The following LGI4 variants were observed in gnomAD, a reference collection of about 807,000 sequenced individuals.
LGI4 encodes leucine rich repeat LGI family member 4.
LGI4 carries 36 observed loss-of-function variants against 48.3 expected under a neutral mutation model. The ratio of observed to expected loss-of-function variants is 0.75; its 90% CI spans 0.57 to 0.98. LGI4 has a LOEUF of 0.98. Among genes scored for constraint, LGI4 ranks in the 50% least tolerant of loss-of-function variants. The probability of loss-of-function intolerance (pLI) is 0.00; values close to 1 mark genes in which losing one functional copy is unlikely to be tolerated. For missense variants in LGI4, 701 were observed against 732.1 expected, an observed-to-expected ratio of 0.96 and a Z score of 0.49; for synonymous variants, 355 against 331.6, an observed-to-expected ratio of 1.07 and a Z score of -0.77.
chr19:35,125,130 G>T lies in LGI4; in HGVS notation c.*63C>A. 1 of 1,423,580 alleles carries T rather than the reference G, an allele frequency of 7.0e-7. No individual in the cohort carries two copies. 88.2% of individuals were successfully genotyped at this position (1,423,580 alleles called of 1,614,324 possible). ...CAGGCGGGCCATCACCCCAAGTAGG[G>T]CCAGGAGCCAGCCAAGGGGCCGTCC... On this transcript the variant is annotated 3_prime_UTR_variant, in exon 9 of 9. Transcript: ENST00000310123.
chr19:35,127,638 G>A (rs931844933), intron 6 of LGI4, among the ~76,000 whole-genome samples: 33 of 152,072 alleles, frequency 2.2e-4, no homozygotes, highest in African/African-American at 7.0e-4. Flanking sequence ...TGCCCGCCTC[G>A]GCCTCCCAAA....
rs2065144796 is a variant in LGI4 at position 35,126,971 on chromosome 19, C to T, written c.675G>A (p.Glu225=). Residue 225 remains glutamate, a synonymous_variant, in exon 7 of 9, where the codon GAG becomes GAA. Transcript: ENST00000310123. ...GAGGCTCCCCTTGGTAGGAGAAGGG[C>T]TCTACGCTCAGTGCCGACTCCCCCA... The part of the protein sequence containing the change: ...QTVGESALSV[E]PFSYQGEPHI... 3.7e-6 allele frequency: 6 copies of T among 1,612,076 alleles called. No homozygotes were observed. The highest frequency in any genetic ancestry group is 5.1e-6 in the Non-Finnish European group (6 of 1,178,836).
chr19:35,125,059 G>A lies in LGI4; in HGVS notation c.*134C>T. On this transcript the variant is annotated 3_prime_UTR_variant, in exon 9 of 9. Transcript: ENST00000310123. Reference sequence around the variant, plus strand: ...CAGATCCTTTAAGAAGTGGGCTTAAGGCCTAGACGTGTGGCTGATGAACGT... The same window carrying A: ...CAGATCCTTTAAGAAGTGGGCTTAAAGCCTAGACGTGTGGCTGATGAACGT... 1 of 698,038 alleles carries A rather than the reference G, an allele frequency of 1.4e-6. No homozygotes were observed. 43.2% of individuals were successfully genotyped at this position (698,038 alleles called of 1,614,324 possible).
intron 6 of LGI4, among the ~76,000 whole-genome samples, chr19:35,127,482 G>A (rs182078117): frequency 6.6e-5 from 10 of 151,764 alleles, no homozygotes; most frequent in African/African-American, 2.4e-4. Context: ...CCACCTCCTG[G>A]GTTCAAACAA....
chr19:35,127,158 T>C, intron 6 of LGI4, 141 bp from the exon 7 acceptor site: 1 of 904,190 alleles, frequency 1.1e-6, no homozygotes, highest in Non-Finnish European at 1.6e-6. Flanking sequence ...TCTTGATCTG[T>C]AGATGTTTGT....
chr19:35,130,913 T>A (rs1673008), intron 6 of LGI4, among the ~76,000 whole-genome samples: 5 of 152,222 alleles, frequency 3.3e-5, no homozygotes, highest in African/African-American at 4.8e-5. Flanking sequence ...TCCTCTGGAC[T>A]TTGAACTCTT....
Position 35,126,291 on chromosome 19 carries a change from T to C in LGI4, c.1278A>G (p.Thr426=), listed in dbSNP as rs1165039370. The change falls in exon 8 of 9, where the codon ACA becomes ACG. Residue 426 remains threonine, a synonymous_variant. Transcript: ENST00000310123. ...TCACCATGGAGTCCCCAATGTAGCGTGTGAGGCACAGGAACACGTCCCCAC... is the reference window on the plus strand; with the variant it reads ...TCACCATGGAGTCCCCAATGTAGCGCGTGAGGCACAGGAACACGTCCCCAC... ...QAGGDVFLCL[T]RYIGDSMVMR... 1.2e-6 allele frequency: 2 copies of C among 1,611,914 alleles called. No homozygotes were observed. The highest frequency in any genetic ancestry group is 1.7e-6 in the Non-Finnish European group (2 of 1,179,582).
Position 35,133,727 on chromosome 19 carries a change from C to T in LGI4, c.280G>A (p.Asp94Asn), listed in dbSNP as rs777901757. The T allele has an allele frequency of 3.4e-5, 54 of 1,609,396 alleles. No homozygotes were observed. Among genetic ancestry groups the T allele is most frequent in the Non-Finnish European group, 4.3e-5 (51 of 1,178,358 alleles). ...AGGTGGGACAGGCCCGCAAATGCATCGTCCTCAATCACGGAGAAGGAGTTG... is the reference window on the plus strand; with the variant it reads ...AGGTGGGACAGGCCCGCAAATGCATTGTCCTCAATCACGGAGAAGGAGTTG... ...TSNSFSVIED[D>N]AFAGLSHLQY... Residue 94 changes from aspartate to asparagine, a missense_variant, in exon 3 of 9, where the codon GAT (aspartate) becomes AAT (asparagine). Coordinates refer to ENST00000310123, the MANE Select transcript of LGI4 (RefSeq NM_139284.3).
intron 3 of LGI4, chr19:35,133,429 CG>C: frequency 1.5e-6 from 2 of 1,308,186 alleles, no homozygotes; most frequent in Non-Finnish European, 1.9e-6. Context: ...TCTGGTTATC[CG>C]GGCCCTTTGT....
In LGI4 at chr19:35,126,998, C is replaced by T. The variant is rs367971043; in HGVS notation, c.648G>A (p.Thr216=). The T allele has an allele frequency of 5.7e-5, 91 of 1,599,642 alleles. No individual in the cohort carries two copies. The highest frequency in any genetic ancestry group is 7.4e-5 in the Non-Finnish European group (87 of 1,170,246). The change falls in exon 7 of 9, where the codon ACG becomes ACA. Residue 216 remains threonine (T), a synonymous_variant. Transcript: ENST00000310123. ...CTACGCTCAGTGCCGACTCCCCCAC[C>T]GTCTGGAACCAGGACAGCTCTGTGG... ...CRAIELSWFQ[T]VGESALSVEP...
Position 35,133,717 on chromosome 19 carries a change from G to T in LGI4, c.290C>A (p.Ala97Glu), listed in dbSNP as rs866063884. The T allele has an allele frequency of 1.2e-6, 2 of 1,607,890 alleles. No individual in the cohort carries two copies. The highest frequency in any genetic ancestry group is 1.7e-6 in the Non-Finnish European group (2 of 1,177,598). Residue 97 changes from alanine (A) to glutamate (E), a missense_variant, in exon 3 of 9, where the codon GCG (alanine) becomes GAG (glutamate). Ala to Glu is a moderately radical substitution (Grantham distance 107, BLOSUM62 -1). Around this residue, in one of 3 missense-constraint regions of LGI4, gnomAD observed 462 missense variants for 436.4 expected, o/e 1.06. Transcript: ENST00000310123. ...SFSVIEDDAF[A>E]GLSHLQYLFI... is the part of the protein sequence containing the mutation. ...CAGGTACTGCAGGTGGGACAGGCCC[G>T]CAAATGCATCGTCCTCAATCACGGA...
At chr19:35,132,737 T>C (rs959948477) in intron 3 of LGI4, among the ~76,000 whole-genome samples, 7 of 152,072 alleles carry the variant, frequency 4.6e-5, no homozygotes, top group African/African-American at 1.7e-4. Context: ...ATCTTCATGA[T>C]CAACACCAAA....
intron 2 of LGI4, 123 bp downstream of exon 2, chr19:35,133,910 G>A: frequency 7.7e-7 from 1 of 1,294,020 alleles, no homozygotes; most frequent in East Asian, 2.5e-5. Flanking sequence ...ACAGACGTGT[G>A]CATACACCCC....
At position 35,126,377 on chromosome 19, in the gene LGI4, C is replaced by G. The variant is rs758115101; in HGVS notation, c.1192G>C (p.Glu398Gln). ...GCCTCGGGGATGTCTGTGCGTCTCTCGAAGCGGCCACCGGTCCAGTGGAAG... is the reference window on the plus strand; with the variant it reads ...GCCTCGGGGATGTCTGTGCGTCTCTGGAAGCGGCCACCGGTCCAGTGGAAG... ...VLFHWTGGRF[E>Q]RRTDIPEAED... Residue 398 changes from glutamate to glutamine, a missense_variant, in exon 8 of 9, where the codon GAG becomes CAG. Physicochemically the swap from Glu to Gln is conservative, Grantham distance 29. Transcript: ENST00000310123. 30 of 1,610,976 alleles carry G rather than the reference C, an allele frequency of 1.9e-5. No homozygotes were observed. The highest frequency in any genetic ancestry group is 2.0e-5 in the Non-Finnish European group (24 of 1,179,516).
In LGI4 at chr19:35,126,713, G is replaced by A. The variant is rs769018578; in HGVS notation, c.856C>T (p.Arg286Cys). ...CACAGCTGTGAGCCCCCCCACAGGCGGGCAGCCAGCACGAAGAGGCTCGGG... is the reference window on the plus strand; with the variant it reads ...CACAGCTGTGAGCCCCCCCACAGGCAGGCAGCCAGCACGAAGAGGCTCGGG... The part of the protein sequence containing the change: ...LGPSLFVLAA[R>C]LWGGSQLWAR... Residue 286 changes from arginine to cysteine, a missense_variant, in exon 8 of 9, where the codon CGC (arginine) becomes TGC (cysteine). Around this residue, in one of 3 missense-constraint regions of LGI4, gnomAD observed 462 missense variants for 436.4 expected, o/e 1.06. Coordinates refer to ENST00000310123, the MANE Select transcript of LGI4 (RefSeq NM_139284.3). The A allele has an allele frequency of 3.9e-6, 6 of 1,539,512 alleles. No individual in the cohort carries two copies. Among genetic ancestry groups the A allele is most frequent in the Middle Eastern group, 1.7e-4 (1 of 5,846 alleles).
chr19:35,131,826 T>G lies in LGI4; in HGVS notation c.421A>C (p.Arg141=). Residue 141 remains arginine, a synonymous_variant, in exon 5 of 9, where the codon AGA becomes CGA. Transcript: ENST00000310123. ...LANNHLETLP[R]FLFRGLDTLT... ...GTGTCCAGGCCTCGGAACAGGAATC[T>G]GGGGAGGGTCTCCAGATGGTTATTG... The G allele has an allele frequency of 3.2e-6, 5 of 1,574,396 alleles. No homozygotes were observed. Among genetic ancestry groups the G allele is most frequent in the Non-Finnish European group, 4.3e-6 (5 of 1,159,602 alleles).
At chr19:35,126,103 G>A in intron 8 of LGI4, 167 bp downstream of exon 8, 3 of 693,238 alleles carry the variant, frequency 4.3e-6, no homozygotes, top group South Asian at 3.7e-5. Flanking sequence ...ACTGGGGAGT[G>A]GTTCGGAGTC....
At position 35,133,435 on chromosome 19, in the gene LGI4, C is replaced by T. The variant is rs1310696102; in HGVS notation, c.314+258G>A. On this transcript the variant is annotated intron_variant, in intron 3 of 8. Coordinates refer to ENST00000310123, the MANE Select transcript of LGI4 (RefSeq NM_139284.3). ...GAATCAGGCTCTGGTTATCCGGGCC[C>T]TTTGTAGATCTTGAAGCAGAGAAGT... 3.8e-6 allele frequency: 5 copies of T among 1,322,722 alleles called. No individual in the cohort carries two copies. The East Asian group carries it at 1.3e-4, about 35-fold the overall frequency. The allele number at this position is 1,322,722 out of a possible 1,614,324, so 81.9% of individuals were successfully genotyped here.
At chr19:35,125,534 TGGGGTCCCGGGGGTCTCTG>T (rs1384488537) in intron 8 of LGI4, 27 bp from the exon 9 acceptor site, 1 of 1,502,852 alleles carries the variant, frequency 6.7e-7, no homozygotes, top group African/African-American at 1.4e-5. Context: ...AGTGAGGGCC[TGGGGTCCCGGGGGTCTCTG>T]GGGGCCGTGG....
Sources: gnomAD v4.1 joint callset for allele counts (sites outside exome capture counted in the v4.1 genomes callset) on GRCh38, gnomAD v4.1.1 for gene constraint, gnomAD v4.1.1 regional missense constraint, MANE v1.5 for transcripts, NCBI Gene and HGNC (gene_info 2026-07-23, HGNC 2026-07-21) for gene names.